MZT1: variants seen among roughly 807,000 people sequenced by gnomAD.
The protein encoded by MZT1 is mitotic-spindle organizing protein 1.
A neutral mutation model predicts 8.5 loss-of-function variants in MZT1; 8 were observed. That is an observed-to-expected ratio of 0.94 (90% CI 0.55 to 1.70). MZT1 has a LOEUF of 1.70. MZT1 is among the 40% of genes most tolerant of loss of function. MZT1 has a pLI of 0.00. For missense variants in MZT1, 93 were observed against 108.6 expected (o/e 0.86, Z 0.64); for synonymous variants, 38 against 42.0 (o/e 0.90, Z 0.37).
intron 2 of MZT1, among the ~76,000 whole-genome samples, chr13:72,714,585 T>C (rs1326375024): frequency 6.6e-6 from 1 of 152,166 alleles, no homozygotes; most frequent in Non-Finnish European, 1.5e-5. Context: ...AGAACTAGGA[T>C]AGAATGGTTT....
chr13:72,714,668 G>A (rs1358033070), intron 2 of MZT1, among the ~76,000 whole-genome samples: 1 of 152,182 alleles, frequency 6.6e-6, no homozygotes, highest in East Asian at 1.9e-4. Flanking sequence ...AGCCACTCTG[G>A]CTCCAGCCAT....
At position 72,715,820 on chromosome 13, in the gene MZT1, C is replaced by T. The variant is rs1280027370; in HGVS notation, c.225+3132G>A. On this transcript the variant is annotated intron_variant, in intron 2 of 2. Coordinates refer to ENST00000377818, the MANE Select transcript of MZT1 (RefSeq NM_001071775.3). ...AATGATTGTAACCTTCCTAAGGCCT[C>T]TCCAGAAGCAGATGCCACTATGCTT... Among the ~76,000 whole-genome samples the T allele has an allele frequency of 2.0e-5, 3 of 152,176 alleles. No homozygotes were observed. The East Asian group carries it at 5.8e-4, about 29-fold the overall frequency.
At chr13:72,718,914 G>A (rs1449508590) in intron 2 of MZT1, 38 bp downstream of exon 2, 1 of 1,509,092 alleles carries the variant, frequency 6.6e-7, no homozygotes, top group Non-Finnish European at 8.8e-7. Flanking sequence ...CTAAATAAAA[G>A]CATCTTTATT....
At chr13:72,726,262 T>C (rs557720058) in intron 1 of MZT1, among the ~76,000 whole-genome samples, 2 of 152,232 alleles carry the variant, frequency 1.3e-5, no homozygotes, top group African/African-American at 4.8e-5. Context: ...AAACTCCGTC[T>C]CTACTAAAAA....
intron 1 of MZT1, among the ~76,000 whole-genome samples, chr13:72,721,460 C>T (rs1295199413): frequency 6.6e-6 from 1 of 152,226 alleles, no homozygotes; most frequent in Non-Finnish European, 1.5e-5. Flanking sequence ...ACTTTCCTCA[C>T]ACATCTGCTA....
intron 2 of MZT1, among the ~76,000 whole-genome samples, chr13:72,716,429 AT>A (rs1350707186): frequency 1.3e-5 from 2 of 152,192 alleles, no homozygotes; most frequent in African/African-American, 4.8e-5. Context: ...TTTTAGTTAG[AT>A]TTAATAATCA....
chr13:72,727,389 G>T, intron 1 of MZT1, 135 bp downstream of exon 1: 1 of 869,912 alleles, frequency 1.1e-6, no homozygotes, highest in Non-Finnish European at 1.9e-6. Context: ...GGCCCTGGCA[G>T]GTCCCTACCA....
chr13:72,710,569 A>G (rs1467259219), intron 2 of MZT1, among the ~76,000 whole-genome samples: 1 of 152,196 alleles, frequency 6.6e-6, no homozygotes, highest in Non-Finnish European at 1.5e-5. Context: ...AAATAGTTAT[A>G]TCACCTAAAA....
At chr13:72,713,267 C>A (rs2032505008) in intron 2 of MZT1, among the ~76,000 whole-genome samples, 3 of 152,068 alleles carry the variant, frequency 2.0e-5, no homozygotes. Context: ...GATAAGTATC[C>A]CTTGTCGGAA....
At chr13:72,711,385 T>A (rs541140651) in intron 2 of MZT1, among the ~76,000 whole-genome samples, 18 of 152,176 alleles carry the variant, frequency 1.2e-4, no homozygotes, top group African/African-American at 4.1e-4. Context: ...GGGAGATACA[T>A]AGCTAGCTAC....
intron 1 of MZT1, among the ~76,000 whole-genome samples, chr13:72,722,636 A>G (rs2032602307): frequency 6.6e-6 from 1 of 152,166 alleles, no homozygotes; most frequent in South Asian, 2.1e-4. Context: ...TCCAAAAAAC[A>G]CATGGATGGT....
At position 72,710,072 on chromosome 13, in the gene MZT1, GA is replaced by G. The variant is rs1287432462; in HGVS notation, c.*249del. 1 of 495,062 alleles carries G rather than the reference GA, an allele frequency of 2.0e-6. No homozygotes were observed. Among genetic ancestry groups the G allele is most frequent in the Non-Finnish European group, 3.6e-6 (1 of 278,074 alleles). 30.7% of individuals were successfully genotyped at this position (495,062 alleles called of 1,614,324 possible). A position where few individuals can be genotyped will look rare whatever the true frequency, so the allele number is the denominator to read the frequency against. On this transcript the variant is annotated 3_prime_UTR_variant, in exon 3 of 3. Transcript: ENST00000377818. Reference sequence around the variant, plus strand: ...CTATAAATAAGGAATACATAAATATGAACATAGCAATGCCAAAGCATTAGAG... The same window carrying G: ...CTATAAATAAGGAATACATAAATATGACATAGCAATGCCAAAGCATTAGAG...
At chr13:72,715,616 G>C (rs2032527752) in intron 2 of MZT1, among the ~76,000 whole-genome samples, 1 of 152,156 alleles carries the variant, frequency 6.6e-6, no homozygotes, top group Non-Finnish European at 1.5e-5. Context: ...GTGGGGCCTG[G>C]TGGGAGTTGA....
chr13:72,717,943 AG>A (rs2138011840), intron 2 of MZT1, among the ~76,000 whole-genome samples: 1 of 152,268 alleles, frequency 6.6e-6, no homozygotes, highest in Admixed American at 6.5e-5. Flanking sequence ...CCAATTCCAA[AG>A]CCACATCCTC....
chr13:72,713,354 T>C (rs1270680194), intron 2 of MZT1, among the ~76,000 whole-genome samples: 26 of 152,190 alleles, frequency 1.7e-4, no homozygotes, highest in Admixed American at 1.7e-3. Context: ...TGTCCCTTGG[T>C]ATCCATGGTG....
intron 1 of MZT1, among the ~76,000 whole-genome samples, chr13:72,721,802 A>T (rs2032596158): frequency 6.6e-6 from 1 of 152,222 alleles, no homozygotes; most frequent in Non-Finnish European, 1.5e-5. Context: ...GGTTGTTTCA[A>T]GTAGAAGCAT....
intron 2 of MZT1, among the ~76,000 whole-genome samples, chr13:72,714,770 G>C (rs753813326): frequency 3.9e-5 from 6 of 152,208 alleles, no homozygotes; most frequent in Non-Finnish European, 8.8e-5. Context: ...CAAGCCTGTG[G>C]GTGCACAGAG....
chr13:72,710,248 C>T lies in MZT1; in HGVS notation c.*74G>A. 6 of 1,467,974 alleles carry T rather than the reference C, an allele frequency of 4.1e-6. No homozygotes were observed. Among genetic ancestry groups the T allele is most frequent in the Non-Finnish European group, 4.7e-6 (5 of 1,054,810 alleles). 90.9% of individuals were successfully genotyped at this position (1,467,974 alleles called of 1,614,324 possible). A position where few individuals can be genotyped will look rare whatever the true frequency, so the allele number is the denominator to read the frequency against. On this transcript the variant is annotated 3_prime_UTR_variant, in exon 3 of 3. Transcript: ENST00000377818. ...TGCTGCATGCAGTAATTTCATTGTA[C>T]ATTCTCAACTACAATGCAATCTTCA...
chr13:72,708,587 T>C lies in MZT1; in HGVS notation c.*1735A>G, dbSNP rs1566210604. On this transcript the variant is annotated 3_prime_UTR_variant, in exon 3 of 3. Transcript: ENST00000377818. ...ATAAATAACTTAATCTACAAAGTCA[T>C]AAATAATACTATCAACTCTTATGGC... 1 of 152,598 alleles carries C rather than the reference T, an allele frequency of 6.6e-6. No homozygotes were observed. The highest frequency in any genetic ancestry group is 1.5e-5 in the Non-Finnish European group (1 of 68,024). 9.5% of individuals were successfully genotyped at this position (152,598 alleles called of 1,614,324 possible).
Sources: gnomAD v4.1 joint callset for allele counts (sites outside exome capture counted in the v4.1 genomes callset) on GRCh38, gnomAD v4.1.1 for gene constraint, MANE v1.5 for transcripts, NCBI Gene and HGNC (gene_info 2026-07-23, HGNC 2026-07-21) for gene names.